The following SUPT7L variants were observed in gnomAD, a reference collection of about 807,000 sequenced individuals.
SUPT7L encodes STAGA complex 65 subunit gamma.
A neutral mutation model predicts 35.7 loss-of-function variants in SUPT7L; 15 were observed. That is an observed-to-expected ratio of 0.42 (90% CI 0.28 to 0.65). SUPT7L has a LOEUF of 0.65. SUPT7L is among the 30% of genes least tolerant of loss of function. The pLI is 0.23. For synonymous variants in SUPT7L, 168 were observed against 186.2 expected, an observed-to-expected ratio of 0.90 and a Z score of 0.79; for missense variants, 434 against 522.2, an observed-to-expected ratio of 0.83 and a Z score of 1.65.
At chr2:27,660,861 G>T in intron 3 of SUPT7L, 123 bp downstream of exon 3, 1 of 1,302,264 alleles carries the variant, frequency 7.7e-7, no homozygotes, top group Non-Finnish European at 1.0e-6. Context: ...GAGAAACCTT[G>T]GCCAAGTCAA....
downstream of SUPT7L, among the ~76,000 whole-genome samples, chr2:27,649,263 AC>A (rs1299152237): frequency 2.6e-4 from 38 of 146,544 alleles, no homozygotes; most frequent in Admixed American, 5.4e-4. Context: ...AAACAAACAA[AC>A]AAACAAAAAA....
In SUPT7L at chr2:27,657,245, A is replaced by G; in HGVS notation, c.744+100T>C. The G allele has an allele frequency of 7.7e-7, 1 of 1,303,646 alleles. No homozygotes were observed. The highest frequency in any genetic ancestry group is 1.1e-6 in the Non-Finnish European group (1 of 945,520). The allele number at this position is 1,303,646 out of a possible 1,614,324, so 80.8% of individuals were successfully genotyped here. Reference sequence around the variant, plus strand: ...TATGTTAAGTTCACTCTGTTCCAAGACTCTGTGCTCTGCACTCTAGACCAA... The same window carrying G: ...TATGTTAAGTTCACTCTGTTCCAAGGCTCTGTGCTCTGCACTCTAGACCAA... On this transcript the variant is annotated intron_variant, in intron 4 of 5. Transcript: ENST00000337768. The surrounding 1 kb of genome is among the most constrained non-coding windows in gnomAD (Gnocchi z 5.2).
chr2:27,653,105 T>G lies in SUPT7L; in HGVS notation c.*380A>C, dbSNP rs1290403088. The G allele has an allele frequency of 1.8e-5, 4 of 221,590 alleles. No individual in the cohort carries two copies. Among genetic ancestry groups the G allele is most frequent in the African/African-American group, 9.2e-5 (4 of 43,342 alleles). 13.7% of individuals were successfully genotyped at this position (221,590 alleles called of 1,614,324 possible). A position where few individuals can be genotyped will look rare whatever the true frequency, so the allele number is the denominator to read the frequency against. On this transcript the variant is annotated 3_prime_UTR_variant, in exon 6 of 6. Transcript: ENST00000337768. ...TTATTAGTCTATTCAAGCACAGTTT[T>G]GAAGTTAGCAAACATCTAAATCCTC...
rs1159728044 is a variant in SUPT7L, at chr2:27,653,470, C to G, written c.*15G>C. The G allele has an allele frequency of 6.2e-7, 1 of 1,609,766 alleles. No homozygotes were observed. Among genetic ancestry groups the G allele is most frequent in the East Asian group, 2.2e-5 (1 of 44,812 alleles). On this transcript the variant is annotated 3_prime_UTR_variant, in exon 6 of 6. Transcript: ENST00000337768. Reference sequence around the variant, plus strand: ...GGTCTAGTAGGTCTGGACAAAACATCTCCCTCTTTTCCTTTTATATTTTCC... The same window carrying G: ...GGTCTAGTAGGTCTGGACAAAACATGTCCCTCTTTTCCTTTTATATTTTCC...
At chr2:27,649,456 T>C (rs544354661), downstream of SUPT7L, among the ~76,000 whole-genome samples, 11 of 152,090 alleles carry the variant, frequency 7.2e-5, no homozygotes, top group East Asian at 2.1e-3. Context: ...ATATATACTT[T>C]CTTGTAACCA....
intron 3 of SUPT7L, among the ~76,000 whole-genome samples, chr2:27,660,730 G>C (rs1675059247): frequency 6.6e-6 from 1 of 151,926 alleles, no homozygotes; most frequent in Non-Finnish European, 1.5e-5. Context: ...TTACATACCA[G>C]TGTATTACCC....
In SUPT7L at chr2:27,652,425, G is replaced by A. The variant is rs576253788; in HGVS notation, c.*1060C>T. ...CAAACTTCAGCAGTTTAACATGCTG[G>A]CATCCATCACCAAGGCATGAAGCAA... On this transcript the variant is annotated 3_prime_UTR_variant, in exon 6 of 6. Transcript: ENST00000337768. 1 of 152,404 alleles carries A rather than the reference G, an allele frequency of 6.6e-6. No individual in the cohort carries two copies. Among genetic ancestry groups the A allele is most frequent in the South Asian group, 2.1e-4 (1 of 4,822 alleles). The allele number at this position is 152,404 out of a possible 1,614,324, so 9.4% of individuals were successfully genotyped here. A position where few individuals can be genotyped will look rare whatever the true frequency, so the allele number is the denominator to read the frequency against.
At chr2:27,661,668 AC>A in intron 2 of SUPT7L, 1 of 1,279,188 alleles carries the variant, frequency 7.8e-7, no homozygotes, top group Non-Finnish European at 9.9e-7. Context: ...AATTCCTACT[AC>A]ACTGAACCAC....
chr2:27,657,659 C>A lies in SUPT7L; in HGVS notation c.430G>T (p.Glu144Ter). Residue 144 changes from glutamate to a stop codon, truncating the protein, a stop_gained, in exon 4 of 6, where the codon GAA becomes TAA. Transcript: ENST00000337768. LOFTEE classifies it high-confidence loss of function. This position sits in a 1 kb window ranked among gnomAD's most constrained non-coding sequence, Gnocchi z 5.2. ...PESDFYRGKG[E>*]PVTELSWHSC... ...TGCCAGCTGAGTTCAGTCACAGGTT[C>A]CCCTTTCCCACTGAAAGTGGAGATA... The A allele has an allele frequency of 6.2e-7, 1 of 1,611,162 alleles. No individual in the cohort carries two copies. Among genetic ancestry groups the A allele is most frequent in the Non-Finnish European group, 8.5e-7 (1 of 1,178,004 alleles).
intron 4 of SUPT7L, 123 bp from the exon 5 acceptor site, chr2:27,655,725 C>A: frequency 1.2e-6 from 1 of 820,850 alleles, no homozygotes; most frequent in Non-Finnish European, 1.9e-6. Flanking sequence ...CATTCACTGC[C>A]AATGGGAGGG....
At chr2:27,660,473 C>T (rs1017038733) in intron 3 of SUPT7L, among the ~76,000 whole-genome samples, 2 of 152,130 alleles carry the variant, frequency 1.3e-5, no homozygotes, top group Admixed American at 6.5e-5. Context: ...ATCCACCCAC[C>T]GTGGCTTCCC....
intron 1 of SUPT7L, among the ~76,000 whole-genome samples, chr2:27,662,900 C>T (rs1166783330): frequency 1.3e-5 from 2 of 151,936 alleles, no homozygotes; most frequent in South Asian, 2.1e-4. Flanking sequence ...CCACCTCAGC[C>T]TCTGGAGTAG....
At chr2:27,645,381 TCTC>T in the SUPT7L span, among the ~76,000 whole-genome samples, 2 of 152,214 alleles carry the variant, frequency 1.3e-5, no homozygotes, top group Non-Finnish European at 2.9e-5. Context: ...TAGATCAGAT[TCTC>T]CTCCTAATTT....
chr2:27,643,172 T>A, the SUPT7L span, among the ~76,000 whole-genome samples: 1 of 150,792 alleles, frequency 6.6e-6, no homozygotes, highest in Non-Finnish European at 1.5e-5. This position sits in a 1 kb window ranked among gnomAD's most constrained non-coding sequence, Gnocchi z 4.0. Flanking sequence ...TTAACCCTCC[T>A]CAATTTTTTT....
At position 27,655,471 on chromosome 2, in the gene SUPT7L, C is replaced by G; in HGVS notation, c.876G>C (p.Glu292Asp). The stretch of plus-strand genomic sequence containing the variant: ...ACTGGTCTCCAGAAGCAAGGTCAGC[C>G]TCCAGCTCCTCACTGACAGGAAAAG... The part of the protein sequence containing the change: ...DITFPVSEEL[E>D]ADLASGDQSL... Residue 292 changes from glutamate (E) to aspartate (D), a missense_variant, in exon 5 of 6, where the codon GAG (glutamate) becomes GAC (aspartate). Coordinates refer to ENST00000337768, the MANE Select transcript of SUPT7L (RefSeq NM_014860.3). 1 of 1,614,158 alleles carries G rather than the reference C, an allele frequency of 6.2e-7. No homozygotes were observed. Among genetic ancestry groups the G allele is most frequent in the Non-Finnish European group, 8.5e-7 (1 of 1,180,004 alleles).
At chr2:27,660,630 C>T (rs1255070059) in intron 3 of SUPT7L, among the ~76,000 whole-genome samples, 2 of 152,022 alleles carry the variant, frequency 1.3e-5, no homozygotes, top group Non-Finnish European at 2.9e-5. Flanking sequence ...TCCATGAATC[C>T]CAATTTGAAG....
At chr2:27,661,985 C>T (rs1462986018) in intron 2 of SUPT7L, 194 bp downstream of exon 2, 15 of 702,748 alleles carry the variant, frequency 2.1e-5, no homozygotes, top group Non-Finnish European at 2.8e-5. Flanking sequence ...ACATATAGAA[C>T]GTGAGAGATT....
At position 27,652,556 on chromosome 2, in the gene SUPT7L, GTGATGTTGTTCAGGACATGA is replaced by G. The variant is rs966509626; in HGVS notation, c.*909_*928del. On this transcript the variant is annotated 3_prime_UTR_variant, in exon 6 of 6. Coordinates refer to ENST00000337768, the MANE Select transcript of SUPT7L (RefSeq NM_014860.3). The stretch of plus-strand genomic sequence containing the variant: ...ATAGTCTGATGGATGAGTAACCACA[GTGATGTTGTTCAGGACATGA>G]TGTAAAGTTGAAAGGTGCATATTGC... 1 of 152,634 alleles carries G rather than the reference GTGATGTTGTTCAGGACATGA, an allele frequency of 6.6e-6. No homozygotes were observed. The highest frequency in any genetic ancestry group is 2.4e-5 in the African/African-American group (1 of 41,458). 9.5% of individuals were successfully genotyped at this position (152,634 alleles called of 1,614,324 possible).
intron 2 of SUPT7L, chr2:27,661,701 G>A: frequency 9.2e-7 from 1 of 1,082,906 alleles, no homozygotes; most frequent in African/African-American, 1.6e-5. Context: ...TGGGTCATTA[G>A]TGGACCAATA....
Sources: allele counts gnomAD v4.1 joint callset (sites outside exome capture counted in the v4.1 genomes callset), GRCh38; gene constraint gnomAD v4.1.1; non-coding constraint Gnocchi (gnomAD v3.1); transcripts MANE v1.5; gene names NCBI Gene and HGNC (gene_info 2026-07-23, HGNC 2026-07-21).